Variants in KCNT1 observed in about 807,000 individuals in gnomAD.
KCNT1 encodes potassium sodium-activated channel subfamily T member 1, also known as potassium channel subfamily T member 1.
KCNT1 carries 78 observed loss-of-function variants against 147.8 expected under a neutral mutation model. The observed-to-expected ratio is 0.53, with a 90% confidence interval of 0.44 to 0.64. KCNT1 has a LOEUF of 0.64. KCNT1 is among the 30% of genes least tolerant of loss of function. The pLI is 0.00. For missense variants in KCNT1, 1,419 were observed against 1,750.3 expected (o/e 0.81, Z 3.38); for synonymous variants, 867 against 748.8 (o/e 1.16, Z -2.58).
In KCNT1 at chr9:135,758,410, A is replaced by G. The variant is rs2131444316; in HGVS notation, c.760-4A>G. On this transcript the variant is annotated splice_polypyrimidine_tract_variant and splice_region_variant and intron_variant, in intron 9 of 30. Transcript: ENST00000371757. ...CCCGCTGACAGCCACCACTCCTTCCACAGAATGACTTCCACCGTGCCATCC... is the reference window on the plus strand; with the variant it reads ...CCCGCTGACAGCCACCACTCCTTCCGCAGAATGACTTCCACCGTGCCATCC... 6.2e-7 allele frequency: 1 copy of G among 1,611,072 alleles called. No individual in the cohort carries two copies. Among genetic ancestry groups the G allele is most frequent in the Non-Finnish European group, 8.5e-7 (1 of 1,178,674 alleles).
At chr9:135,727,951 G>A (rs961902482) in intron 2 of KCNT1, among the ~76,000 whole-genome samples, 8 of 152,242 alleles carry the variant, frequency 5.3e-5, no homozygotes, top group Non-Finnish European at 1.0e-4. Flanking sequence ...GGCCCAAAAC[G>A]CAGTCACAAA....
rs1831239331 is a variant in KCNT1 at position 135,752,597 on chromosome 9, A to G, written c.435-1340A>G. 2.8e-6 allele frequency: 1 copy of G among 352,462 alleles called. No homozygotes were observed. Among genetic ancestry groups the G allele is most frequent in the South Asian group, 2.1e-5 (1 of 47,430 alleles). 21.8% of individuals were successfully genotyped at this position (352,462 alleles called of 1,614,324 possible). ...ATGGGGGTGGGAAGATGGGTGGATG[A>G]TGGATGGATGGTTGGATGGATGGTG... On this transcript the variant is annotated intron_variant, in intron 4 of 30. Coordinates refer to ENST00000371757, the MANE Select transcript of KCNT1 (RefSeq NM_020822.3). This position sits in a 1 kb window ranked among gnomAD's most constrained non-coding sequence, Gnocchi z 5.1.
At chr9:135,717,025 AG>A (rs1835745337) in intron 2 of KCNT1, among the ~76,000 whole-genome samples, 1 of 150,598 alleles carries the variant, frequency 6.6e-6, no homozygotes, top group South Asian at 2.1e-4. Context: ...ATAGGACGGG[AG>A]GGGACCTGGC....
chr9:135,780,381 C>T (rs1833521902), intron 24 of KCNT1, among the ~76,000 whole-genome samples: 1 of 152,206 alleles, frequency 6.6e-6, no homozygotes, highest in Non-Finnish European at 1.5e-5. Flanking sequence ...CCAGGCCCGG[C>T]CTGGCCACCA....
chr9:135,792,305 A>C lies in KCNT1; in HGVS notation c.*144A>C. ...TGGCTCCTGGGACTCCACCCTGGAA[A>C]GGAGCCCCTCATGCGGGGGGAGGGC... On this transcript the variant is annotated 3_prime_UTR_variant, in exon 31 of 31. Coordinates refer to ENST00000371757, the MANE Select transcript of KCNT1 (RefSeq NM_020822.3). 4 of 1,111,340 alleles carry C rather than the reference A, an allele frequency of 3.6e-6. No homozygotes were observed. The highest frequency in any genetic ancestry group is 1.7e-5 in the South Asian group (1 of 59,690). The allele number at this position is 1,111,340 out of a possible 1,614,324, so 68.8% of individuals were successfully genotyped here.
At chr9:135,717,513 C>T (rs564698757) in intron 2 of KCNT1, among the ~76,000 whole-genome samples, 85 of 152,148 alleles carry the variant, frequency 5.6e-4, no homozygotes, top group Admixed American at 9.8e-4. Context: ...CTGGAGGCTG[C>T]GGGGGCTGGT....
intron 14 of KCNT1, 59 bp downstream of exon 14, chr9:135,768,732 G>A (rs1832505868): frequency 6.5e-7 from 1 of 1,533,482 alleles, no homozygotes; most frequent in Non-Finnish European, 8.8e-7. Context: ...GGGGAGCGGG[G>A]GTCCCTGAGG....
intron 11 of KCNT1, among the ~76,000 whole-genome samples, chr9:135,764,164 C>T (rs749491688): frequency 1.3e-5 from 2 of 152,162 alleles, no homozygotes; most frequent in Admixed American, 6.5e-5. Context: ...TCATTTAACA[C>T]GTGTTCAACA....
rs762251339 is a variant in KCNT1 at position 135,757,213 on chromosome 9, C to G, written c.658C>G (p.Leu220Val). ...CTTCGTCCTGGAGATGATCAACACT[C>G]TGCCCTTCATCATCACGGTGGGTGA... ...VSFVLEMINT[L>V]PFIITIFWPP... The change falls in exon 8 of 31, where the codon CTG becomes GTG. Residue 220 changes from leucine to valine, a missense_variant. Leu to Val is a conservative substitution (Grantham distance 32). Coordinates refer to ENST00000371757, the MANE Select transcript of KCNT1 (RefSeq NM_020822.3). The G allele has an allele frequency of 1.2e-6, 2 of 1,612,512 alleles. No individual in the cohort carries two copies. The highest frequency in any genetic ancestry group is 1.7e-5 in the Admixed American group (1 of 59,906).
chr9:135,766,351 G>T (rs1376228710), intron 13 of KCNT1, among the ~76,000 whole-genome samples: 1 of 151,150 alleles, frequency 6.6e-6, no homozygotes. Flanking sequence ...GAACCATCTG[G>T]GATGGATCTC....
intron 19 of KCNT1, among the ~76,000 whole-genome samples, chr9:135,774,854 T>C (rs56179819): frequency 0.72 from 109,728 of 151,894 alleles, 39,792 homozygotes; most frequent in South Asian, 0.78. Context: ...GCCACCCCCT[T>C]CCACACCTGG....
intron 9 of KCNT1, 83 bp downstream of exon 9, chr9:135,757,464 G>A (rs1338974689): frequency 8.0e-7 from 1 of 1,251,920 alleles, no homozygotes; most frequent in Non-Finnish European, 1.1e-6. Context: ...GTGCGACGTA[G>A]CCTGCCACGC....
intron 29 of KCNT1, chr9:135,789,154 G>A (rs960340701): frequency 3.3e-5 from 5 of 152,310 alleles, no homozygotes; most frequent in East Asian, 1.9e-4. Flanking sequence ...TGGGATGCCT[G>A]CGTCGCCCGC....
intron 1 of KCNT1, among the ~76,000 whole-genome samples, chr9:135,704,173 G>C (rs1055020968): frequency 6.6e-6 from 1 of 152,224 alleles, no homozygotes; most frequent in Non-Finnish European, 1.5e-5. Flanking sequence ...TGGGGAGGAG[G>C]GTGCCAGGCA....
At chr9:135,766,198 G>C (rs1454177641) in intron 13 of KCNT1, among the ~76,000 whole-genome samples, 1 of 152,054 alleles carries the variant, frequency 6.6e-6, no homozygotes, top group South Asian at 2.1e-4. Context: ...AACTGTCCAG[G>C]GGGGACCATC....
At chr9:135,782,281 T>G (rs1477677513) in intron 24 of KCNT1, among the ~76,000 whole-genome samples, 1 of 152,232 alleles carries the variant, frequency 6.6e-6, no homozygotes, top group East Asian at 1.9e-4. Context: ...CCTTGAGGGC[T>G]GGCTCCAGAA....
chr9:135,755,004 A>T (rs140166868), intron 5 of KCNT1, 117 bp from the exon 6 acceptor site: 1 of 880,068 alleles, frequency 1.1e-6, no homozygotes, highest in Non-Finnish European at 1.7e-6. Context: ...TCCAGCCCCA[A>T]TGAGCAGCAC....
In KCNT1 at chr9:135,759,873, G is replaced by C. The variant is rs1588331124; in HGVS notation, c.1035+14G>C. 6.3e-7 allele frequency: 1 copy of C among 1,589,088 alleles called. No individual in the cohort carries two copies. The highest frequency in any genetic ancestry group is 8.6e-7 in the Non-Finnish European group (1 of 1,166,730). On this transcript the variant is annotated intron_variant, in intron 11 of 30. Coordinates refer to ENST00000371757, the MANE Select transcript of KCNT1 (RefSeq NM_020822.3). ...CTCCCACTGCAGGTGGGTCCTCTGGGCACCAGCCCTGGGTGGCACCAGCAA... is the reference window on the plus strand; with the variant it reads ...CTCCCACTGCAGGTGGGTCCTCTGGCCACCAGCCCTGGGTGGCACCAGCAA...
rs751882330 is a variant in KCNT1 at position 135,792,368 on chromosome 9, GTT to G, written c.*212_*213del. On this transcript the variant is annotated 3_prime_UTR_variant, in exon 31 of 31. Transcript: ENST00000371757. ...GGGCACCTGCAGGCTAGTGAGGAGA[GTT>G]TTTTAACCTATTTTTACACGTCGAT... 1 of 565,468 alleles carries G rather than the reference GTT, an allele frequency of 1.8e-6. No individual in the cohort carries two copies. Among genetic ancestry groups the G allele is most frequent in the African/African-American group, 1.9e-5 (1 of 52,766 alleles). The allele number at this position is 565,468 out of a possible 1,614,324, so 35.0% of individuals were successfully genotyped here.
Sources: gnomAD v4.1 joint callset for allele counts (sites outside exome capture counted in the v4.1 genomes callset) on GRCh38, gnomAD v4.1.1 for gene constraint, Gnocchi (gnomAD v3.1) non-coding constraint, MANE v1.5 for transcripts, NCBI Gene and HGNC (gene_info 2026-07-23, HGNC 2026-07-21) for gene names.